SUCO: variants seen among roughly 807,000 people sequenced by gnomAD.
The protein encoded by SUCO is SUN domain containing ossification factor.
In SUCO, 57 loss-of-function variants were observed where a neutral mutation model predicts 148.1. That is an observed-to-expected ratio of 0.38 (90% CI 0.31 to 0.48). The LOEUF (loss-of-function observed/expected upper bound fraction) is 0.48, where lower values mean the gene tolerates loss of function less well. Ranked by LOEUF, SUCO falls within the 20% of genes least tolerant of loss-of-function variation. The pLI is 0.96. For synonymous variants in SUCO, 470 were observed against 502.7 expected (o/e 0.93, Z 0.87); for missense variants, 1,331 against 1,468.2 (o/e 0.91, Z 1.53).
chr1:172,610,213 T>C lies in SUCO; in HGVS notation c.3719T>C (p.Ile1240Thr). 2 of 1,610,754 alleles carry C rather than the reference T, an allele frequency of 1.2e-6. No homozygotes were observed. Among genetic ancestry groups the C allele is most frequent in the Non-Finnish European group, 1.7e-6 (2 of 1,178,994 alleles). ...GACATAATCAAAGGAAACAAAGAGA[T>C]CACCGTGGGAACATTTGGTGTTACA... ...LHDIIKGNKE[I>T]TVGTFGVTAV... is the part of the protein sequence containing the mutation. Residue 1240 changes from isoleucine (I) to threonine (T), a missense_variant, in exon 24 of 24, where the codon ATC (isoleucine) becomes ACC (threonine). Transcript: ENST00000263688.
At chr1:172,532,430 G>A (rs745932723), upstream of SUCO, 2 of 1,490,572 alleles carry the variant, frequency 1.3e-6, no homozygotes, top group Admixed American at 2.0e-5. Context: ...AATTCTTGCT[G>A]AAGAGAAGAA....
intron 23 of SUCO, chr1:172,609,379 G>A (rs1453048439): frequency 1.0e-6 from 1 of 974,498 alleles, no homozygotes; most frequent in African/African-American, 1.8e-5. Flanking sequence ...AATAGCCTAA[G>A]ATTCATTCTC....
intron 6 of SUCO, among the ~76,000 whole-genome samples, chr1:172,561,827 CA>C (rs1654179348): frequency 1.3e-5 from 2 of 152,210 alleles, no homozygotes; most frequent in South Asian, 4.1e-4. Context: ...GGGCAGGCAG[CA>C]TACTACCTCA....
Position 172,602,146 on chromosome 1 carries a change from G to T in SUCO, c.3101G>T (p.Arg1034Leu), listed in dbSNP as rs199640710. Residue 1034 changes from arginine to leucine, a missense_variant, in exon 21 of 24, where the codon CGA becomes CTA. Arg to Leu is a moderately radical substitution (Grantham distance 102, BLOSUM62 -2). Coordinates refer to ENST00000263688, the MANE Select transcript of SUCO (RefSeq NM_014283.5). ...LGLMLCMQRC[R>L]NTSQFDGDYI... ...CTGATGCTTTGTATGCAGCGTTGTC[G>T]AAATACTTCTCAATTTGATGGAGAT... 4 of 1,613,442 alleles carry T rather than the reference G, an allele frequency of 2.5e-6. No individual in the cohort carries two copies. The highest frequency in any genetic ancestry group is 2.7e-5 in the African/African-American group (2 of 74,832).
chr1:172,571,587 C>T lies in SUCO; in HGVS notation c.1049+857C>T, dbSNP rs994961797. On this transcript the variant is annotated intron_variant, in intron 9 of 23. Coordinates refer to ENST00000263688, the MANE Select transcript of SUCO (RefSeq NM_014283.5). ...CTGGAAAGTGAGGAGCGTCTCTGCCCGGCCGCCATCCCATCTAGGAAGTGA... is the reference window on the plus strand; with the variant it reads ...CTGGAAAGTGAGGAGCGTCTCTGCCTGGCCGCCATCCCATCTAGGAAGTGA... Among the ~76,000 whole-genome samples the T allele has an allele frequency of 2.6e-4, 38 of 143,952 alleles. 1 individual carries two copies. The East Asian group carries it at 4.9e-3, about 18-fold the overall frequency. 94.4% of individuals were successfully genotyped at this position (143,952 alleles called of 152,430 possible).
intron 19 of SUCO, among the ~76,000 whole-genome samples, chr1:172,593,577 T>A (rs556731618): frequency 6.6e-6 from 1 of 152,334 alleles, no homozygotes; most frequent in South Asian, 2.1e-4. Flanking sequence ...TGGATTACAT[T>A]TATTGATTTC....
chr1:172,533,375 C>A lies in SUCO; in HGVS notation c.-61C>A. On this transcript the variant is annotated 5_prime_UTR_variant, in exon 1 of 24. Coordinates refer to ENST00000263688, the MANE Select transcript of SUCO (RefSeq NM_014283.5). ...TGCTCCGGCTCCTCCATCTTGGCCTCGGCAGTGGCGGCTGCCGGGAGGATG... is the reference window on the plus strand; with the variant it reads ...TGCTCCGGCTCCTCCATCTTGGCCTAGGCAGTGGCGGCTGCCGGGAGGATG... 1 of 1,551,708 alleles carries A rather than the reference C, an allele frequency of 6.4e-7. No homozygotes were observed. The highest frequency in any genetic ancestry group is 2.4e-5 in the East Asian group (1 of 40,922).
intron 1 of SUCO, among the ~76,000 whole-genome samples, chr1:172,537,124 G>GA (rs1340597587): frequency 6.6e-6 from 1 of 151,826 alleles, no homozygotes; most frequent in African/African-American, 2.4e-5. Flanking sequence ...CCCTAAAGAG[G>GA]AAAAAAACAT....
intron 7 of SUCO, 190 bp from the exon 8 acceptor site, chr1:172,569,857 G>A (rs1038067635): frequency 9.9e-5 from 22 of 221,746 alleles, no homozygotes; most frequent in Non-Finnish European, 1.5e-4. Context: ...TGTTTTGGGG[G>A]GATATTTTAA....
intron 1 of SUCO, among the ~76,000 whole-genome samples, chr1:172,540,755 G>A (rs1652389643): frequency 1.3e-5 from 2 of 152,168 alleles, no homozygotes; most frequent in African/African-American, 4.8e-5. Context: ...GTGTGTGCAT[G>A]TGTATGTCTG....
At chr1:172,542,346 C>T (rs1401860143) in intron 1 of SUCO, among the ~76,000 whole-genome samples, 2 of 152,084 alleles carry the variant, frequency 1.3e-5, no homozygotes, top group South Asian at 2.1e-4. Flanking sequence ...CGTGCCATTG[C>T]ACTCCAGCCT....
rs773722928 is a variant in SUCO at position 172,555,950 on chromosome 1, G to T, written c.370G>T (p.Val124Phe). Residue 124 changes from valine (V) to phenylalanine (F), a missense_variant, in exon 4 of 24, where the codon GTT becomes TTT. Physicochemically the swap from Val to Phe is conservative, Grantham distance 50. Transcript: ENST00000263688. ...VDLHEESSNA[V>F]VDSETVENIS... ...TTTGCATGAAGAGTCTTCCAATGCA[G>T]TTGTGGACAGTGAAACTGTTGAAAA... The T allele has an allele frequency of 4.3e-6, 7 of 1,613,388 alleles. No homozygotes were observed. The highest frequency in any genetic ancestry group is 3.3e-5 in the Admixed American group (2 of 59,972).
At chr1:172,546,550 C>CA (rs948175357) in intron 1 of SUCO, among the ~76,000 whole-genome samples, 9 of 152,180 alleles carry the variant, frequency 5.9e-5, no homozygotes, top group East Asian at 1.9e-4. Flanking sequence ...GCTTCAGAGT[C>CA]AAAAAAATCC....
intron 2 of SUCO, among the ~76,000 whole-genome samples, chr1:172,552,846 G>A (rs1358241715): frequency 1.3e-5 from 2 of 151,926 alleles, no homozygotes; most frequent in African/African-American, 4.8e-5. Flanking sequence ...AACAAAGATT[G>A]AATATGAACT....
intron 19 of SUCO, among the ~76,000 whole-genome samples, chr1:172,598,839 T>A (rs1440570282): frequency 6.6e-6 from 1 of 152,170 alleles, no homozygotes; most frequent in East Asian, 1.9e-4. Flanking sequence ...ATTTAAAAAG[T>A]CACATTTAGC....
At position 172,557,810 on chromosome 1, in the gene SUCO, G is replaced by A; in HGVS notation, c.732+16G>A. 6.4e-7 allele frequency: 1 copy of A among 1,564,870 alleles called. No individual in the cohort carries two copies. Among genetic ancestry groups the A allele is most frequent in the Middle Eastern group, 1.9e-4 (1 of 5,270 alleles). On this transcript the variant is annotated intron_variant, in intron 6 of 23. Transcript: ENST00000263688. ...AAAAAATGAGGTAGGTATATAACTT[G>A]CACTATCTCTTACTTCTTTATGTAA...
chr1:172,608,884 T>C, intron 23 of SUCO, 82 bp downstream of exon 23: 4 of 954,458 alleles, frequency 4.2e-6, no homozygotes, highest in Non-Finnish European at 6.6e-6. Context: ...TTTAAGGTAA[T>C]TACCTTTAAG....
At chr1:172,572,289 C>T (rs950031847) in intron 9 of SUCO, among the ~76,000 whole-genome samples, 2 of 151,506 alleles carry the variant, frequency 1.3e-5, no homozygotes, top group African/African-American at 4.8e-5. Flanking sequence ...ATTGAGAAAT[C>T]GGATGGTTGC....
chr1:172,532,422 T>C, upstream of SUCO: 1 of 1,440,478 alleles, frequency 6.9e-7, no homozygotes, highest in Non-Finnish European at 9.5e-7. Context: ...AGCGGCGAAA[T>C]TCTTGCTGAA....
Sources: gnomAD v4.1 joint callset for allele counts (sites outside exome capture counted in the v4.1 genomes callset) on GRCh38, gnomAD v4.1.1 for gene constraint, MANE v1.5 for transcripts, NCBI Gene and HGNC (gene_info 2026-07-23, HGNC 2026-07-21) for gene names.